RHAG: variants seen among roughly 807,000 people sequenced by gnomAD.
RHAG encodes the protein Rh associated glycoprotein, also known as ammonium transporter Rh type A.
In RHAG, 25 loss-of-function variants were observed where a neutral mutation model predicts 42.4. The observed-to-expected ratio is 0.59, with a 90% CI of 0.43 to 0.82. The LOEUF (loss-of-function observed/expected upper bound fraction) is 0.82, where lower values mean the gene tolerates loss of function less well. RHAG is among the 40% of genes least tolerant of loss of function. RHAG has a pLI of 0.00. For synonymous variants in RHAG, 182 were observed against 177.7 expected (o/e 1.02, Z -0.19); for missense variants, 483 against 504.6 (o/e 0.96, Z 0.41).
chr6:49,627,915 T>A (rs1051731731), intron 1 of RHAG, among the ~76,000 whole-genome samples: 2 of 152,096 alleles, frequency 1.3e-5, no homozygotes, highest in Non-Finnish European at 2.9e-5. Context: ...GGAACTACAA[T>A]TCAAGATGAG....
At chr6:49,609,180 T>C (rs1213738818) in intron 7 of RHAG, among the ~76,000 whole-genome samples, 2 of 152,210 alleles carry the variant, frequency 1.3e-5, no homozygotes, top group African/African-American at 2.4e-5. Flanking sequence ...GTGTGAGATA[T>C]GTAAATTTTA....
intron 1 of RHAG, among the ~76,000 whole-genome samples, chr6:49,635,619 G>C (rs1267125785): frequency 6.6e-6 from 1 of 151,998 alleles, no homozygotes; most frequent in Non-Finnish European, 1.5e-5. Flanking sequence ...GCTAGACTTG[G>C]AGTCTAGTTT....
intron 7 of RHAG, 109 bp downstream of exon 7, chr6:49,610,915 A>G: frequency 7.3e-7 from 1 of 1,366,630 alleles, no homozygotes; most frequent in Non-Finnish European, 1.0e-6. Context: ...TCCAGTAAAG[A>G]CAATACAAAC....
chr6:49,627,897 A>C (rs934880862), intron 1 of RHAG, among the ~76,000 whole-genome samples: 6 of 152,138 alleles, frequency 3.9e-5, no homozygotes, highest in African/African-American at 1.2e-4. Flanking sequence ...CGACATGTGG[A>C]AATTATGGGA....
intron 4 of RHAG, 70 bp downstream of exon 4, chr6:49,615,554 C>G (rs1406042587): frequency 1.7e-5 from 26 of 1,550,938 alleles, no homozygotes; most frequent in Non-Finnish European, 2.0e-5. Context: ...ATCTCACACC[C>G]TTGTTGAAGT....
At chr6:49,634,076 T>A (rs1454606738) in intron 1 of RHAG, among the ~76,000 whole-genome samples, 2 of 152,196 alleles carry the variant, frequency 1.3e-5, no homozygotes, top group Non-Finnish European at 2.9e-5. Flanking sequence ...AAGCAAATCA[T>A]GTTATTCAGG....
intron 1 of RHAG, among the ~76,000 whole-genome samples, chr6:49,632,867 A>G (rs552017901): frequency 1.3e-5 from 2 of 152,300 alleles, no homozygotes; most frequent in Non-Finnish European, 2.9e-5. Flanking sequence ...GACACAGTCA[A>G]ACTTCAGTGC....
chr6:49,624,068 TAA>T (rs1232417825), intron 1 of RHAG, among the ~76,000 whole-genome samples: 1 of 152,072 alleles, frequency 6.6e-6, no homozygotes, highest in Admixed American at 6.6e-5. Flanking sequence ...TAACAGAAAA[TAA>T]AAGAGAATAG....
intron 7 of RHAG, among the ~76,000 whole-genome samples, chr6:49,609,404 T>C (rs143707032): frequency 6.6e-6 from 1 of 152,216 alleles, no homozygotes; most frequent in Admixed American, 6.5e-5. Flanking sequence ...TGTGAAACTG[T>C]TCTAGGCATG....
intron 1 of RHAG, among the ~76,000 whole-genome samples, chr6:49,630,513 T>C (rs888325913): frequency 6.6e-6 from 1 of 152,222 alleles, no homozygotes; most frequent in African/African-American, 2.4e-5. Flanking sequence ...TGGCAATCTT[T>C]TGAACCAATG....
At chr6:49,619,883 G>A (rs1054324647) in intron 1 of RHAG, among the ~76,000 whole-genome samples, 2 of 152,146 alleles carry the variant, frequency 1.3e-5, no homozygotes, top group African/African-American at 4.8e-5. Flanking sequence ...GAAGGGGTTT[G>A]GAACCATTCA....
chr6:49,625,878 G>A (rs1212032686), intron 1 of RHAG, among the ~76,000 whole-genome samples: 1 of 152,166 alleles, frequency 6.6e-6, no homozygotes, highest in Non-Finnish European at 1.5e-5. Flanking sequence ...GAGGAGCAAA[G>A]TCATGTCTTA....
chr6:49,617,019 A>G (rs569372144), intron 3 of RHAG, among the ~76,000 whole-genome samples: 1 of 152,296 alleles, frequency 6.6e-6, no homozygotes, highest in East Asian at 1.9e-4. Flanking sequence ...CTTTGGGACC[A>G]TCAAATAAGT....
chr6:49,618,006 T>C (rs2127353230), intron 3 of RHAG, 62 bp downstream of exon 3: 1 of 1,494,676 alleles, frequency 6.7e-7, no homozygotes, highest in South Asian at 1.1e-5. Flanking sequence ...AGACACCCAT[T>C]GTTTTTTTGT....
intron 1 of RHAG, among the ~76,000 whole-genome samples, chr6:49,625,745 C>T (rs901647265): frequency 3.3e-5 from 5 of 152,166 alleles, no homozygotes; most frequent in Admixed American, 1.3e-4. Flanking sequence ...TAATGTGTTA[C>T]TCTGTTCTCC....
At chr6:49,615,884 A>G (rs1406229704) in intron 3 of RHAG, 113 bp from the exon 4 acceptor site, 12 of 1,038,794 alleles carry the variant, frequency 1.2e-5, no homozygotes, top group Non-Finnish European at 1.8e-5. Flanking sequence ...AAAATTAAAG[A>G]GGGACAGAAA....
chr6:49,608,924 A>G (rs1023816872), intron 7 of RHAG, among the ~76,000 whole-genome samples: 4 of 151,994 alleles, frequency 2.6e-5, no homozygotes, highest in African/African-American at 9.7e-5. Flanking sequence ...GGAATTTGCC[A>G]AGATCTTTTA....
intron 5 of RHAG, among the ~76,000 whole-genome samples, chr6:49,613,302 T>A (rs748145050): frequency 6.6e-6 from 1 of 152,202 alleles, no homozygotes; most frequent in Non-Finnish European, 1.5e-5. Context: ...ATGCCTGACC[T>A]CAGGTGATCC....
rs1439451491 is a variant in RHAG, at chr6:49,632,898, A to G, written c.157+3758T>C. On this transcript the variant is annotated intron_variant, in intron 1 of 9. Transcript: ENST00000371175. ...AGTGCTTGTTAAATTATTTGACTCA[A>G]CAGGGTGACCAGCACTTTGATAGGT... 2.6e-5 allele frequency among the ~76,000 whole-genome samples: 4 copies of G among 152,290 alleles called. No individual in the cohort carries two copies. In the East Asian group the frequency reaches 5.8e-4, roughly 22 times the overall value.
Sources: gnomAD v4.1 joint callset for allele counts (sites outside exome capture counted in the v4.1 genomes callset) on GRCh38, gnomAD v4.1.1 for gene constraint, MANE v1.5 for transcripts, NCBI Gene and HGNC (gene_info 2026-07-23, HGNC 2026-07-21) for gene names.